CCSER2: variants seen among roughly 807,000 people sequenced by gnomAD.
The protein encoded by CCSER2 is coiled-coil serine rich protein 2, also known as serine-rich coiled-coil domain-containing protein 2.
CCSER2 carries 46 observed loss-of-function variants against 92.3 expected under a neutral mutation model. The ratio of observed to expected loss-of-function variants is 0.50; its 90% CI spans 0.39 to 0.64. The LOEUF (loss-of-function observed/expected upper bound fraction) is 0.64. Among genes scored for constraint, CCSER2 ranks in the 30% least tolerant of loss-of-function variants. The pLI is 0.00. For synonymous variants in CCSER2, 433 were observed against 431.4 expected (o/e 1.00, Z -0.04); for missense variants, 1,244 against 1,238.9 (o/e 1.00, Z -0.06).
chr10:84,456,403 C>T (rs1487271641), intron 6 of CCSER2, among the ~76,000 whole-genome samples: 1 of 151,872 alleles, frequency 6.6e-6, no homozygotes, highest in Non-Finnish European at 1.5e-5. Context: ...TATGCTGTAC[C>T]GTGTATTAGG....
chr10:84,416,279 A>G lies in CCSER2; in HGVS notation c.1615-1492A>G, dbSNP rs190223762. Among the ~76,000 whole-genome samples the G allele has an allele frequency of 1.1e-3, 173 of 152,270 alleles. 3 individuals carry two copies. The East Asian group carries it at 0.03, about 27-fold the overall frequency. Reference sequence around the variant, plus strand: ...TGTGGGTCAGGCTGTTTGTCTAGTCAGTCCCAGTGTGAGAACCTGGATATT... The same window carrying G: ...TGTGGGTCAGGCTGTTTGTCTAGTCGGTCCCAGTGTGAGAACCTGGATATT... On this transcript the variant is annotated intron_variant, in intron 3 of 9. Transcript: ENST00000372088.
intron 3 of CCSER2, among the ~76,000 whole-genome samples, chr10:84,415,678 G>A (rs1161375966): frequency 2.6e-5 from 4 of 152,348 alleles, no homozygotes; most frequent in East Asian, 3.9e-4. Flanking sequence ...GCTGCTTTTT[G>A]TTAGCACAGC....
chr10:84,501,834 A>ATATATATATATATAT (rs1554868294), intron 9 of CCSER2, among the ~76,000 whole-genome samples: 2 of 40,160 alleles, frequency 5.0e-5, no homozygotes, highest in Admixed American at 4.0e-4. Context: ...AAAAAAAAAA[A>ATATATATATATATAT]ATATATATAT....
rs1382671286 is a variant in CCSER2 at position 84,335,863 on chromosome 10, CAG to C, written c.-40+7056_-40+7057del. Among the ~76,000 whole-genome samples, 5 of 152,266 alleles carry C rather than the reference CAG, an allele frequency of 3.3e-5. No individual in the cohort carries two copies. In the East Asian group the frequency reaches 9.6e-4, roughly 29 times the overall value. ...CTCTGAAGATCTTAGCTTAGAAAAA[CAG>C]GGACTATTCATAATAGCTATTTAAG... On this transcript the variant is annotated intron_variant, in intron 1 of 9. Transcript: ENST00000372088.
At chr10:84,352,296 C>G (rs556732328) in intron 1 of CCSER2, among the ~76,000 whole-genome samples, 2 of 142,560 alleles carry the variant, frequency 1.4e-5, no homozygotes, top group South Asian at 2.2e-4. Flanking sequence ...GAGGAAGACT[C>G]TGTCTCAAAA....
intron 9 of CCSER2, among the ~76,000 whole-genome samples, chr10:84,482,795 C>G (rs2133764105): frequency 6.6e-6 from 1 of 152,208 alleles, no homozygotes; most frequent in East Asian, 1.9e-4. Flanking sequence ...ATTACCTGAC[C>G]TGGATTACTC....
intron 1 of CCSER2, among the ~76,000 whole-genome samples, chr10:84,330,678 A>G (rs1035090435): frequency 2.6e-5 from 4 of 151,926 alleles, no homozygotes; most frequent in African/African-American, 4.8e-5. Flanking sequence ...ACACCTGGCT[A>G]ATTTTTTTTT....
At chr10:84,379,621 G>A (rs914932216) in intron 3 of CCSER2, among the ~76,000 whole-genome samples, 1 of 151,918 alleles carries the variant, frequency 6.6e-6, no homozygotes, top group African/African-American at 2.4e-5. Flanking sequence ...TTCTTTTTAT[G>A]TGCGTTGTTT....
intron 3 of CCSER2, chr10:84,389,242 G>A: frequency 2.1e-6 from 1 of 473,140 alleles, no homozygotes; most frequent in South Asian, 1.6e-5. Flanking sequence ...CAGCATTGCA[G>A]CCCACAGACT....
chr10:84,513,596 A>C lies in CCSER2; in HGVS notation c.2473A>C (p.Thr825Pro). ...QGGAHPEESF[T>P]HVLHQESNYG... ...CGGTGCACATCCGGAAGAAAGCTTTACACACGTCTTGCACCAAGAAAGCAA... is the reference window on the plus strand; with the variant it reads ...CGGTGCACATCCGGAAGAAAGCTTTCCACACGTCTTGCACCAAGAAAGCAA... Residue 825 changes from threonine to proline, a missense_variant, in exon 10 of 10, where the codon ACA becomes CCA. By Grantham distance (38) the Thr-to-Pro change is conservative. Coordinates refer to ENST00000372088, the MANE Select transcript of CCSER2 (RefSeq NM_001284240.2). 1 of 1,613,490 alleles carries C rather than the reference A, an allele frequency of 6.2e-7. No homozygotes were observed. The highest frequency in any genetic ancestry group is 8.5e-7 in the Non-Finnish European group (1 of 1,179,854).
At chr10:84,332,505 C>T (rs1843635948) in intron 1 of CCSER2, among the ~76,000 whole-genome samples, 1 of 132,024 alleles carries the variant, frequency 7.6e-6, no homozygotes, top group South Asian at 2.5e-4. Context: ...GCGGTGCCAT[C>T]TCGGCTCACT....
chr10:84,470,136 T>G (rs1484444180), intron 7 of CCSER2, among the ~76,000 whole-genome samples: 3 of 151,608 alleles, frequency 2.0e-5, no homozygotes, highest in African/African-American at 7.3e-5. Flanking sequence ...TAAGTGCAAG[T>G]GCTTAGTTTT....
At chr10:84,364,551 G>T (rs991481233) in intron 1 of CCSER2, among the ~76,000 whole-genome samples, 1 of 152,134 alleles carries the variant, frequency 6.6e-6, no homozygotes, top group Non-Finnish European at 1.5e-5. Flanking sequence ...AAGATGGGAA[G>T]AAATCTACTA....
intron 1 of CCSER2, among the ~76,000 whole-genome samples, chr10:84,346,778 T>TA (rs1462981204): frequency 0.069 from 10,002 of 145,362 alleles, 369 homozygotes; most frequent in Middle Eastern, 0.1. Flanking sequence ...ATATATATAT[T>TA]TATTTATTTA....
At chr10:84,387,214 T>A (rs185719481) in intron 3 of CCSER2, among the ~76,000 whole-genome samples, 1 of 152,208 alleles carries the variant, frequency 6.6e-6, no homozygotes, top group Non-Finnish European at 1.5e-5. Flanking sequence ...TTTAAGGCTG[T>A]ATTCAGACTT....
chr10:84,379,926 A>C (rs1337035236), intron 3 of CCSER2, among the ~76,000 whole-genome samples: 1 of 152,178 alleles, frequency 6.6e-6, no homozygotes, highest in Admixed American at 6.5e-5. Context: ...TGCTAATAAT[A>C]ATGTCTACAT....
intron 4 of CCSER2, among the ~76,000 whole-genome samples, chr10:84,418,226 T>C (rs781586913): frequency 1.3e-5 from 2 of 152,212 alleles, no homozygotes; most frequent in Non-Finnish European, 2.9e-5. Context: ...CACTATAATA[T>C]CTTAATTTGA....
chr10:84,474,865 C>T (rs1847043588), intron 8 of CCSER2, among the ~76,000 whole-genome samples: 1 of 152,064 alleles, frequency 6.6e-6, no homozygotes. Context: ...AAGTCCCTAA[C>T]TAAAAGTGAT....
chr10:84,513,660 A>G lies in CCSER2; in HGVS notation c.2537A>G (p.Gln846Arg), dbSNP rs753854417. 6 of 1,571,232 alleles carry G rather than the reference A, an allele frequency of 3.8e-6. No homozygotes were observed. The East Asian group carries it at 9.1e-5, about 24-fold the overall frequency. ...LEEQPFSSGP[Q>R]LTMDVAKSTP... ...GAGCAGCCTTTTTCATCAGGCCCAC[A>G]ATTAACAATGGATGTGGCTAAGAGT... Residue 846 changes from glutamine (Q) to arginine (R), a missense_variant, in exon 10 of 10, where the codon CAA (glutamine) becomes CGA (arginine). Coordinates refer to ENST00000372088, the MANE Select transcript of CCSER2 (RefSeq NM_001284240.2).
Sources: gnomAD v4.1 joint callset for allele counts (sites outside exome capture counted in the v4.1 genomes callset) on GRCh38, gnomAD v4.1.1 for gene constraint, MANE v1.5 for transcripts, NCBI Gene and HGNC (gene_info 2026-07-23, HGNC 2026-07-21) for gene names.